ABCA1: variants seen among roughly 807,000 people sequenced by gnomAD.
ABCA1 encodes the protein ATP binding cassette subfamily A member 1, also known as phospholipid-transporting ATPase ABCA1.
A neutral mutation model predicts 262.5 loss-of-function variants in ABCA1; 133 were observed. The observed-to-expected ratio is 0.51, with a 90% confidence interval of 0.44 to 0.59. The LOEUF (loss-of-function observed/expected upper bound fraction) is 0.59, where lower values mean the gene tolerates loss of function less well. ABCA1 is among the 20% of genes least tolerant of loss of function. The probability of loss-of-function intolerance (pLI) is 0.00; values close to 1 mark genes in which losing one functional copy is unlikely to be tolerated. For missense variants in ABCA1, 2,452 were observed against 2,777.5 expected (o/e 0.88, Z 2.63); for synonymous variants, 1,022 against 1,043.5 (o/e 0.98, Z 0.40).
At chr9:104,818,401 T>C (rs192564024) in intron 23 of ABCA1, among the ~76,000 whole-genome samples, 2 of 152,282 alleles carry the variant, frequency 1.3e-5, no homozygotes, top group Admixed American at 6.5e-5. Context: ...TTTGACATAA[T>C]AATGTCCTCT....
At chr9:104,883,826 C>T (rs1588500205) in intron 4 of ABCA1, among the ~76,000 whole-genome samples, 1 of 152,224 alleles carries the variant, frequency 6.6e-6, no homozygotes, top group Non-Finnish European at 1.5e-5. Flanking sequence ...TTGAAGAATC[C>T]TCAATGTCTC....
chr9:104,867,113 A>G (rs138347211), intron 5 of ABCA1, among the ~76,000 whole-genome samples: 34 of 152,366 alleles, frequency 2.2e-4, no homozygotes, highest in African/African-American at 7.7e-4. Context: ...GAAGCAGGAC[A>G]TGAACTTGAA....
At chr9:104,785,321 G>C (rs879350222) in intron 49 of ABCA1, 75 bp downstream of exon 49, 43 of 1,583,186 alleles carry the variant, frequency 2.7e-5, no homozygotes, top group Non-Finnish European at 3.5e-5. Flanking sequence ...AACTGCTCTT[G>C]GACCTATGGG....
At position 104,806,433 on chromosome 9, in the gene ABCA1, G is replaced by A. The variant is rs771997374; in HGVS notation, c.4275-3C>T. On this transcript the variant is annotated splice_polypyrimidine_tract_variant and splice_region_variant and intron_variant, in intron 30 of 49. Transcript: ENST00000374736. The stretch of plus-strand genomic sequence containing the variant: ...CCCCTGCCTGGCAGGGCGTGTCTCT[G>A]CAAAGGGAAGACAGCAAGAGTAGGA... 1.2e-6 allele frequency: 2 copies of A among 1,614,080 alleles called. No homozygotes were observed. Among genetic ancestry groups the A allele is most frequent in the East Asian group, 2.2e-5 (1 of 44,876 alleles).
intron 1 of ABCA1, among the ~76,000 whole-genome samples, chr9:104,923,387 T>G (rs1842253483): frequency 6.6e-6 from 1 of 152,208 alleles, no homozygotes; most frequent in Admixed American, 6.5e-5. Context: ...ATGAACCAAG[T>G]AAAAAATTGA....
chr9:104,803,428 C>T (rs1830508331), intron 32 of ABCA1, 112 bp from the exon 33 acceptor site: 4 of 1,122,632 alleles, frequency 3.6e-6, no homozygotes, highest in Non-Finnish European at 5.4e-6. Context: ...ACAGAAATAA[C>T]CCTAGAATCA....
Position 104,821,403 on chromosome 9 carries a change from A to T in ABCA1, c.2932T>A (p.Cys978Ser). The change falls in exon 20 of 50, where the codon TGT (cysteine) becomes AGT (serine). Residue 978 changes from cysteine to serine, a missense_variant. Physicochemically the swap from Cys to Ser is moderately radical, Grantham distance 112 (BLOSUM62 -1). Coordinates refer to ENST00000374736, the MANE Select transcript of ABCA1 (RefSeq NM_005502.4). ...TCAAACAGCACGTTATGCTGGGGAC[A>T]GACCCCCAGGTTCTGCCGGATGGTG... ...MSTIRQNLGVCPQHNVLFDML... is the reference protein window; with the variant it reads ...MSTIRQNLGVSPQHNVLFDML... The T allele has an allele frequency of 6.2e-7, 1 of 1,614,196 alleles. No homozygotes were observed. The highest frequency in any genetic ancestry group is 2.2e-5 in the East Asian group (1 of 44,894).
intron 1 of ABCA1, among the ~76,000 whole-genome samples, chr9:104,905,810 C>A (rs1453901085): frequency 6.6e-6 from 1 of 152,182 alleles, no homozygotes; most frequent in Non-Finnish European, 1.5e-5. Flanking sequence ...CTACATGAAT[C>A]TCTTGAAATC....
Position 104,784,104 on chromosome 9 carries a change from C to A in ABCA1, c.*211G>T. ...AAATTCAAGTCTTTCACTTGAGAGCCATACAAGACATAGGCTACAAAGGCA... is the reference window on the plus strand; with the variant it reads ...AAATTCAAGTCTTTCACTTGAGAGCAATACAAGACATAGGCTACAAAGGCA... On this transcript the variant is annotated 3_prime_UTR_variant, in exon 50 of 50. Coordinates refer to ENST00000374736, the MANE Select transcript of ABCA1 (RefSeq NM_005502.4). 1 of 588,636 alleles carries A rather than the reference C, an allele frequency of 1.7e-6. No homozygotes were observed. The allele number at this position is 588,636 out of a possible 1,614,324, so 36.5% of individuals were successfully genotyped here. A position where few individuals can be genotyped will look rare whatever the true frequency, so the allele number is the denominator to read the frequency against.
chr9:104,831,064 C>A lies in ABCA1; in HGVS notation c.1753G>T (p.Asp585Tyr). The A allele has an allele frequency of 6.2e-7, 1 of 1,612,988 alleles. No homozygotes were observed. Among genetic ancestry groups the A allele is most frequent in the Non-Finnish European group, 8.5e-7 (1 of 1,179,796 alleles). ...DPGPRADPFEDMRYVWGGFAY... is the reference protein window; with the variant it reads ...DPGPRADPFEYMRYVWGGFAY... Reference sequence around the variant, plus strand: ...AAGCCCCCCCAGACGTACCGCATGTCCTCAAAGGGGTCAGCTCGAGGACCA... The same window carrying A: ...AAGCCCCCCCAGACGTACCGCATGTACTCAAAGGGGTCAGCTCGAGGACCA... The change falls in exon 14 of 50, where the codon GAC becomes TAC. Residue 585 changes from aspartate (D) to tyrosine (Y), a missense_variant. Physicochemically the swap from Asp to Tyr is radical, Grantham distance 160 (BLOSUM62 -3). This residue lies in a region of ABCA1 where 1,032 missense variants were observed against 1,089.7 expected (regional missense o/e 0.95). Transcript: ENST00000374736.
intron 5 of ABCA1, among the ~76,000 whole-genome samples, chr9:104,880,660 CAAAG>C (rs1450052900): frequency 2.0e-5 from 3 of 151,978 alleles, no homozygotes; most frequent in Admixed American, 6.5e-5. Context: ...GCAAGACAAG[CAAAG>C]AAAGAAAGAA....
At chr9:104,919,729 G>A (rs748313806) in intron 1 of ABCA1, among the ~76,000 whole-genome samples, 4 of 152,152 alleles carry the variant, frequency 2.6e-5, no homozygotes, top group African/African-American at 9.7e-5. Flanking sequence ...ACTAAATCAT[G>A]TTTACTCAAC....
chr9:104,830,860 C>T (rs1833236076), intron 14 of ABCA1, 65 bp downstream of exon 14: 3 of 1,565,122 alleles, frequency 1.9e-6, no homozygotes, highest in Non-Finnish European at 8.8e-7. Context: ...CATGCACACA[C>T]ATATATACAC....
intron 9 of ABCA1, among the ~76,000 whole-genome samples, chr9:104,838,942 C>T (rs534624087): frequency 8.1e-4 from 123 of 151,982 alleles, no homozygotes; most frequent in African/African-American, 2.8e-3. Flanking sequence ...CAATACCATC[C>T]TTTTAAGGCT....
At chr9:104,845,640 G>A (rs1034879101) in intron 7 of ABCA1, 71 bp from the exon 8 acceptor site, 1 of 1,099,986 alleles carries the variant, frequency 9.1e-7, no homozygotes. Flanking sequence ...AAATAAACAA[G>A]TGAATTAAAA....
intron 28 of ABCA1, among the ~76,000 whole-genome samples, chr9:104,812,199 T>C (rs1831337854): frequency 6.6e-6 from 1 of 152,214 alleles, no homozygotes; most frequent in Non-Finnish European, 1.5e-5. Flanking sequence ...GACAGCTGAA[T>C]ACACCCAACC....
In ABCA1 at chr9:104,810,753, G is replaced by T. The variant is rs773649981; in HGVS notation, c.4175+47C>A. On this transcript the variant is annotated intron_variant, in intron 29 of 49. Transcript: ENST00000374736. ...CCCTTGGCCCTCGTAAACATCTTTG[G>T]TCTGCTCGAATCTTACCCCCTCCTG... is the stretch of plus-strand genomic sequence containing the variant. 4.3e-6 allele frequency: 7 copies of T among 1,613,816 alleles called. No individual in the cohort carries two copies. In the Admixed American group the frequency reaches 1.2e-4, roughly 27 times the overall value.
intron 9 of ABCA1, among the ~76,000 whole-genome samples, chr9:104,838,825 T>A (rs551530357): frequency 1.8e-4 from 27 of 151,872 alleles, no homozygotes; most frequent in African/African-American, 5.1e-4. Flanking sequence ...TTTTTTTTTT[T>A]AATGAGGATG....
chr9:104,825,999 A>T, intron 16 of ABCA1, 112 bp from the exon 17 acceptor site: 1 of 1,065,642 alleles, frequency 9.4e-7, no homozygotes, highest in Non-Finnish European at 1.4e-6. Flanking sequence ...TGGATCAATC[A>T]TAAGGTGCAG....
Sources: allele counts gnomAD v4.1 joint callset (sites outside exome capture counted in the v4.1 genomes callset), GRCh38; gene constraint gnomAD v4.1.1; regional missense constraint gnomAD v4.1.1; transcripts MANE v1.5; gene names NCBI Gene and HGNC (gene_info 2026-07-23, HGNC 2026-07-21).